Variants in DDAH1 observed in about 807,000 individuals in gnomAD.
The protein encoded by DDAH1 is dimethylarginine dimethylaminohydrolase 1.
A neutral mutation model predicts 28.8 loss-of-function variants in DDAH1; 19 were observed. The ratio of observed to expected loss-of-function variants is 0.66; its 90% CI spans 0.46 to 0.97. The LOEUF is 0.97. Ranked by LOEUF, DDAH1 falls within the 50% of genes least tolerant of loss-of-function variation. The probability of loss-of-function intolerance (pLI) is 0.00; values close to 1 mark genes in which losing one functional copy is unlikely to be tolerated. For missense variants in DDAH1, 326 were observed against 375.9 expected (o/e 0.87, Z 1.10); for synonymous variants, 153 against 154.4 (o/e 0.99, Z 0.07).
chr1:85,424,589 C>CA (rs1159340646), intron 1 of DDAH1, among the ~76,000 whole-genome samples: 1 of 151,940 alleles, frequency 6.6e-6, no homozygotes, highest in African/African-American at 2.4e-5. Context: ...CTAGTATCTC[C>CA]ATTTTCTCAA....
intron 1 of DDAH1, among the ~76,000 whole-genome samples, chr1:85,505,462 T>G (rs890258428): frequency 6.6e-6 from 1 of 152,062 alleles, no homozygotes; most frequent in Non-Finnish European, 1.5e-5. Context: ...GAAAAAGTAT[T>G]TCATTAAAGA....
At chr1:85,397,036 TAA>T (rs34296620) in intron 1 of DDAH1, among the ~76,000 whole-genome samples, 1,731 of 145,416 alleles carry the variant, frequency 0.012, 25 homozygotes, top group African/African-American at 0.037. Flanking sequence ...GACCCTGTCT[TAA>T]AAAAAAAAAA....
chr1:85,521,255 G>A (rs12567101), intron 1 of DDAH1, among the ~76,000 whole-genome samples: 5 of 151,514 alleles, frequency 3.3e-5, no homozygotes, highest in East Asian at 1.9e-4. Context: ...ACTTGAGTCC[G>A]TCCAGATCTC....
chr1:85,323,968 CAAAAAAAAA>C (rs11446322), intron 5 of DDAH1, among the ~76,000 whole-genome samples: 1 of 99,968 alleles, frequency 1.0e-5, no homozygotes, highest in South Asian at 3.4e-4. Flanking sequence ...GATCCTGTCT[CAAAAAAAAA>C]AAAAAAAAAG....
intron 1 of DDAH1, among the ~76,000 whole-genome samples, chr1:85,563,486 A>G (rs1659196382): frequency 6.6e-6 from 1 of 152,234 alleles, no homozygotes; most frequent in Non-Finnish European, 1.5e-5. Flanking sequence ...CCTAAATTAA[A>G]TGCCACTTTG....
chr1:85,407,242 TAC>T (rs1652448610), intron 1 of DDAH1, among the ~76,000 whole-genome samples: 3 of 152,328 alleles, frequency 2.0e-5, no homozygotes, highest in Middle Eastern at 3.4e-3. Context: ...TAAAATTTAA[TAC>T]AGTTTGCCCT....
At chr1:85,564,394 A>G (rs1418611661) in intron 1 of DDAH1, among the ~76,000 whole-genome samples, 5 of 152,208 alleles carry the variant, frequency 3.3e-5, no homozygotes, top group African/African-American at 1.2e-4. Context: ...CCTAATACAT[A>G]TGTAATTGGA....
intron 2 of DDAH1, among the ~76,000 whole-genome samples, chr1:85,475,007 C>T (rs745521141): frequency 1.3e-5 from 2 of 152,090 alleles, no homozygotes; most frequent in African/African-American, 4.8e-5. Context: ...TAATATCAAT[C>T]TTACATAGTT....
At chr1:85,327,492 C>A (rs1647481881) in intron 4 of DDAH1, among the ~76,000 whole-genome samples, 2 of 152,158 alleles carry the variant, frequency 1.3e-5, no homozygotes, top group African/African-American at 4.8e-5. Flanking sequence ...ACAAAGTTCC[C>A]AAAGTTTTTG....
chr1:85,394,349 G>A (rs2100561693), intron 1 of DDAH1, among the ~76,000 whole-genome samples: 1 of 152,290 alleles, frequency 6.6e-6, no homozygotes. Flanking sequence ...ACCATGTTAT[G>A]ATGCAACATG....
chr1:85,441,655 C>T (rs1462464022), intron 1 of DDAH1, among the ~76,000 whole-genome samples: 2 of 152,142 alleles, frequency 1.3e-5, no homozygotes, highest in African/African-American at 4.8e-5. Flanking sequence ...GCTGAATAAA[C>T]ACTACTTTAT....
chr1:85,348,560 T>C (rs1380515696), intron 4 of DDAH1, among the ~76,000 whole-genome samples: 1 of 152,186 alleles, frequency 6.6e-6, no homozygotes, highest in African/African-American at 2.4e-5. Context: ...CTTTGCTCAG[T>C]CTTTGCTTAT....
At chr1:85,519,300 GT>G (rs1256246628) in intron 1 of DDAH1, among the ~76,000 whole-genome samples, 11 of 151,998 alleles carry the variant, frequency 7.2e-5, no homozygotes, top group African/African-American at 2.7e-4. Context: ...GTTTCACCGT[GT>G]TAGCCAGGAT....
intron 1 of DDAH1, chr1:85,521,526 G>A (rs1341431065): frequency 2.0e-5 from 16 of 796,684 alleles, no homozygotes; most frequent in Admixed American, 6.3e-5. Flanking sequence ...GCCTTACCAC[G>A]GATTGCCTCA....
rs35352719 is a variant in DDAH1, at chr1:85,351,060, G to GT, written c.477+445dup. On this transcript the variant is annotated intron_variant, in intron 3 of 5. Transcript: ENST00000284031. ...ATAACAGAGTCAATTGGGTTTCCAA[G>GT]TTTTTTTTTTTTTTTTTTAGAAACA... Among the ~76,000 whole-genome samples the GT allele has an allele frequency of 9.6e-3, 1,312 of 137,176 alleles. 5 individuals carry two copies. Among genetic ancestry groups the GT allele is most frequent in the East Asian group, 0.024 (113 of 4,658 alleles). 90.0% of individuals were successfully genotyped at this position (137,176 alleles called of 152,430 possible).
chr1:85,561,986 G>A (rs1045840829), intron 1 of DDAH1, among the ~76,000 whole-genome samples: 1 of 152,174 alleles, frequency 6.6e-6, no homozygotes, highest in Non-Finnish European at 1.5e-5. Flanking sequence ...CACCCTGTTT[G>A]ACAGAGTTGC....
chr1:85,518,832 A>T (rs1470668897), intron 1 of DDAH1, among the ~76,000 whole-genome samples: 1 of 152,148 alleles, frequency 6.6e-6, no homozygotes, highest in Non-Finnish European at 1.5e-5. Flanking sequence ...CAGGCTCCTC[A>T]TCTCTAAAAT....
chr1:85,334,255 A>G (rs1647966558), intron 4 of DDAH1, among the ~76,000 whole-genome samples: 1 of 152,168 alleles, frequency 6.6e-6, no homozygotes, highest in African/African-American at 2.4e-5. Context: ...CCATGATTCT[A>G]AGTTTCCTGA....
intron 1 of DDAH1, among the ~76,000 whole-genome samples, chr1:85,498,756 C>T (rs1430185387): frequency 6.6e-6 from 1 of 151,170 alleles, no homozygotes; most frequent in Non-Finnish European, 1.5e-5. Context: ...CTGTCTCTAC[C>T]AAAAAAAATA....
Sources: allele counts gnomAD v4.1 joint callset (sites outside exome capture counted in the v4.1 genomes callset), GRCh38; gene constraint gnomAD v4.1.1; transcripts MANE v1.5; gene names NCBI Gene and HGNC (gene_info 2026-07-23, HGNC 2026-07-21).